NLGN1: variants seen among roughly 807,000 people sequenced by gnomAD.
NLGN1 encodes neuroligin 1, also known as neuroligin-1.
Under a neutral mutation model 65.5 loss-of-function variants are expected in NLGN1, and 12 were observed. The observed-to-expected ratio is 0.18, with a 90% CI of 0.12 to 0.30. The LOEUF (loss-of-function observed/expected upper bound fraction) is 0.30, where lower values mean the gene tolerates loss of function less well. Ranked by LOEUF, NLGN1 falls within the 10% of genes least tolerant of loss-of-function variation. The pLI is 1.00. For synonymous variants in NLGN1, 350 were observed against 359.5 expected, an observed-to-expected ratio of 0.97 and a Z score of 0.30; for missense variants, 750 against 1,007.1, an observed-to-expected ratio of 0.74 and a Z score of 3.46.
chr3:173,413,141 G>C (rs1438114563), intron 1 of NLGN1, among the ~76,000 whole-genome samples: 1 of 151,714 alleles, frequency 6.6e-6, no homozygotes, highest in Admixed American at 6.6e-5. Context: ...ATCCATTTTT[G>C]GGGGAAGCGA....
chr3:174,229,460 A>G (rs1002670703), intron 4 of NLGN1, among the ~76,000 whole-genome samples: 1 of 152,148 alleles, frequency 6.6e-6, no homozygotes, highest in Non-Finnish European at 1.5e-5. Flanking sequence ...TGCCAACATC[A>G]AATTATGCCC....
Position 173,859,696 on chromosome 3 carries a change from T to C in NLGN1, c.646+51864T>C, listed in dbSNP as rs549036332. ...TTCTAGGCCTCAGTTTTCTCATCTATATATTGGGGTAGTAGTGGAACCAAA... is the reference window on the plus strand; with the variant it reads ...TTCTAGGCCTCAGTTTTCTCATCTACATATTGGGGTAGTAGTGGAACCAAA... On this transcript the variant is annotated intron_variant, in intron 4 of 6. Transcript: ENST00000457714. Among the ~76,000 whole-genome samples the C allele has an allele frequency of 7.0e-4, 106 of 152,184 alleles. No homozygotes were observed. The Middle Eastern group carries it at 0.014, about 20-fold the overall frequency.
intron 4 of NLGN1, among the ~76,000 whole-genome samples, chr3:174,041,655 G>A (rs9829130): frequency 0.028 from 4,209 of 152,106 alleles, 188 homozygotes; most frequent in African/African-American, 0.091. Context: ...GTTTGGAGTG[G>A]TATCTCATTG....
intron 2 of NLGN1, among the ~76,000 whole-genome samples, chr3:173,511,984 C>T (rs1523344): frequency 0.38 from 57,276 of 152,040 alleles, 12,740 homozygotes; most frequent in East Asian, 0.8. Context: ...CCAAGCCCAC[C>T]CACTCAACCC....
intron 4 of NLGN1, among the ~76,000 whole-genome samples, chr3:173,944,467 C>T (rs909882112): frequency 6.6e-6 from 1 of 152,126 alleles, no homozygotes; most frequent in African/African-American, 2.4e-5. Flanking sequence ...GGGCAACCTT[C>T]TCTGGCCCTG....
rs188915664 is a variant in NLGN1, at chr3:173,753,110, T to C, written c.494-54570T>C. 2.1e-3 allele frequency among the ~76,000 whole-genome samples: 320 copies of C among 152,228 alleles called. 2 individuals are homozygous for C. Among genetic ancestry groups the C allele is most frequent in the Non-Finnish European group, 3.2e-3 (221 of 68,008 alleles). On this transcript the variant is annotated intron_variant, in intron 3 of 6. Coordinates refer to ENST00000457714, the Ensembl canonical transcript of NLGN1. ...AGTTGTTTTCGTCAGCATGTGAACATGCTACAGGTCTCAATCCTTTTATTT... is the reference window on the plus strand; with the variant it reads ...AGTTGTTTTCGTCAGCATGTGAACACGCTACAGGTCTCAATCCTTTTATTT...
chr3:173,434,427 TAAGAA>T (rs1717731902), intron 1 of NLGN1, among the ~76,000 whole-genome samples: 1 of 152,192 alleles, frequency 6.6e-6, no homozygotes, highest in African/African-American at 2.4e-5. Flanking sequence ...GGGCCTCACT[TAAGAA>T]ACACTGATTT....
intron 4 of NLGN1, among the ~76,000 whole-genome samples, chr3:173,822,732 T>G (rs1373037656): frequency 1.3e-5 from 2 of 152,064 alleles, no homozygotes; most frequent in African/African-American, 2.4e-5. Flanking sequence ...AAAAAGAGCT[T>G]CTCTGTGGCT....
At chr3:173,724,714 C>G (rs1771465814) in intron 3 of NLGN1, among the ~76,000 whole-genome samples, 2 of 152,184 alleles carry the variant, frequency 1.3e-5, no homozygotes, top group African/African-American at 4.8e-5. Context: ...AATCATGCTA[C>G]TATAAAGACA....
At chr3:173,415,943 A>AGAGAGCGC (rs141095727) in intron 1 of NLGN1, among the ~76,000 whole-genome samples, 14 of 142,884 alleles carry the variant, frequency 9.8e-5, no homozygotes, top group African/African-American at 3.6e-4. Flanking sequence ...AGAGAGAGAG[A>AGAGAGCGC]GCTTGGTATA....
intron 3 of NLGN1, among the ~76,000 whole-genome samples, chr3:173,701,044 G>C (rs1163465351): frequency 1.3e-5 from 2 of 152,106 alleles, no homozygotes; most frequent in African/African-American, 4.8e-5. Flanking sequence ...AGAATGGCGT[G>C]AACCCAGGAG....
intron 4 of NLGN1, among the ~76,000 whole-genome samples, chr3:174,269,418 G>A (rs945252699): frequency 6.6e-6 from 1 of 151,788 alleles, no homozygotes; most frequent in African/African-American, 2.4e-5. Context: ...TTTCATATGA[G>A]TAGAATCCTA....
rs182847125 is a variant in NLGN1 at position 174,179,626 on chromosome 3, C to T, written c.647-95689C>T. Among the ~76,000 whole-genome samples, 12 of 152,114 alleles carry T rather than the reference C, an allele frequency of 7.9e-5. No homozygotes were observed. The East Asian group carries it at 1.7e-3, about 22-fold the overall frequency. Reference sequence around the variant, plus strand: ...AGATTTTTAAAGAATTCCATGTTAACTCTGGAGAGGAAGGAGTACAATATG... The same window carrying T: ...AGATTTTTAAAGAATTCCATGTTAATTCTGGAGAGGAAGGAGTACAATATG... On this transcript the variant is annotated intron_variant, in intron 4 of 6. Coordinates refer to ENST00000457714, the Ensembl canonical transcript of NLGN1.
chr3:173,822,889 T>C (rs922018062), intron 4 of NLGN1, among the ~76,000 whole-genome samples: 1 of 152,108 alleles, frequency 6.6e-6, no homozygotes, highest in Non-Finnish European at 1.5e-5. Flanking sequence ...TCCCTTTTTT[T>C]CTTTTTTTGT....
intron 2 of NLGN1, among the ~76,000 whole-genome samples, chr3:173,549,643 G>A (rs1259036610): frequency 6.6e-6 from 1 of 152,014 alleles, no homozygotes; most frequent in Non-Finnish European, 1.5e-5. Context: ...TTACAGGAGG[G>A]ATGCTAAATC....
At chr3:173,596,646 T>A (rs1749539189) in intron 2 of NLGN1, among the ~76,000 whole-genome samples, 1 of 36,840 alleles carries the variant, frequency 2.7e-5, no homozygotes, top group Non-Finnish European at 6.3e-5. Flanking sequence ...TATTACATGA[T>A]GCTCATGGCA....
chr3:173,835,468 A>G (rs913759309), intron 4 of NLGN1, among the ~76,000 whole-genome samples: 1 of 152,046 alleles, frequency 6.6e-6, no homozygotes, highest in African/African-American at 2.4e-5. Context: ...ATATTTCATT[A>G]TCAATCATCT....
At chr3:173,776,713 G>A (rs35157674) in intron 3 of NLGN1, among the ~76,000 whole-genome samples, 6,306 of 151,912 alleles carry the variant, frequency 0.042, 176 homozygotes, top group Middle Eastern at 0.095. Flanking sequence ...ATTTTCCTCC[G>A]TATATAAAAG....
At chr3:173,626,059 G>T (rs1244731239) in intron 3 of NLGN1, among the ~76,000 whole-genome samples, 1 of 151,936 alleles carries the variant, frequency 6.6e-6, no homozygotes. Context: ...GTATATTAGT[G>T]CTATCCAATA....
Sources: allele counts gnomAD v4.1 joint callset (sites outside exome capture counted in the v4.1 genomes callset), GRCh38; gene constraint gnomAD v4.1.1; transcripts MANE v1.5; gene names NCBI Gene and HGNC (gene_info 2026-07-23, HGNC 2026-07-21).